Variants in ART3 observed in about 807,000 individuals in gnomAD.
ART3 encodes ADP-ribosyltransferase 3 (inactive), also known as ecto-ADP-ribosyltransferase 3.
In ART3, 49 loss-of-function variants were observed where a neutral mutation model predicts 48.5. The ratio of observed to expected loss-of-function variants is 1.01; its 90% CI spans 0.80 to 1.28. The LOEUF (loss-of-function observed/expected upper bound fraction) is 1.28. Among genes scored for constraint, ART3 ranks in the 50% most tolerant of loss-of-function variants. The pLI is 0.00. For missense variants in ART3, 438 were observed against 454.3 expected (o/e 0.96, Z 0.33); for synonymous variants, 145 against 157.2 (o/e 0.92, Z 0.58).
At chr4:76,066,826 C>T (rs914816685) in intron 1 of ART3, among the ~76,000 whole-genome samples, 7 of 152,176 alleles carry the variant, frequency 4.6e-5, no homozygotes, top group Non-Finnish European at 1.0e-4. Flanking sequence ...CTACTCATGA[C>T]GCCCAGGCTC....
At position 76,074,725 on chromosome 4, in the gene ART3, A is replaced by T. The variant is rs1720697823; in HGVS notation, c.-104A>T. ...TGTCTCAGCTCTCACTGTCAACAAC[A>T]TCCCATCCTGAAGACTTGCTTACCA... On this transcript the variant is annotated 5_prime_UTR_variant, in exon 1 of 12. Transcript: ENST00000355810. 1.3e-5 allele frequency: 2 copies of T among 152,274 alleles called. No homozygotes were observed. Among genetic ancestry groups the T allele is most frequent in the South Asian group, 4.1e-4 (2 of 4,826 alleles). The allele number at this position is 152,274 out of a possible 1,614,324, so 9.4% of individuals were successfully genotyped here. A position where few individuals can be genotyped will look rare whatever the true frequency, so the allele number is the denominator to read the frequency against.
chr4:76,035,051 A>T, intron 1 of ART3: 1 of 1,612,622 alleles, frequency 6.2e-7, no homozygotes, highest in Non-Finnish European at 8.5e-7. Context: ...ACTTACTTTG[A>T]TTATAAGCCT....
chr4:76,048,585 GC>G (rs1182928977), intron 1 of ART3, among the ~76,000 whole-genome samples: 6 of 151,876 alleles, frequency 4.0e-5, no homozygotes, highest in Non-Finnish European at 8.8e-5. Flanking sequence ...GCTCACCGAT[GC>G]AGCAGCAGAA....
intron 1 of ART3, among the ~76,000 whole-genome samples, chr4:76,062,727 AT>A (rs1450226912): frequency 6.6e-6 from 1 of 151,514 alleles, no homozygotes; most frequent in African/African-American, 2.4e-5. Context: ...TGCCTGGCTA[AT>A]TTTTTGTATT....
chr4:76,046,482 C>G (rs573919557), intron 1 of ART3, among the ~76,000 whole-genome samples: 7 of 152,132 alleles, frequency 4.6e-5, no homozygotes, highest in East Asian at 3.9e-4. Flanking sequence ...AAGCCTTGAG[C>G]TTTTAAATGT....
intron 3 of ART3, among the ~76,000 whole-genome samples, chr4:76,094,844 T>C (rs1416231363): frequency 6.6e-6 from 1 of 152,200 alleles, no homozygotes; most frequent in Non-Finnish European, 1.5e-5. Context: ...ACTCTGTCTA[T>C]AAAAATTGAA....
At chr4:76,106,195 T>C (rs1728435186) in intron 10 of ART3, 4 of 985,482 alleles carry the variant, frequency 4.1e-6, no homozygotes, top group South Asian at 4.7e-5. Flanking sequence ...TTGTTCACTT[T>C]GTGCTACACT....
Position 76,082,367 on chromosome 4 carries a change from A to C in ART3, c.613A>C (p.Thr205Pro), listed in dbSNP as rs145977750. 2.7e-5 allele frequency: 43 copies of C among 1,614,200 alleles called. No individual in the cohort carries two copies. In the African/African-American group the frequency reaches 4.4e-4, roughly 17 times the overall value. ...CCAGCTCACTGTGTTATCCATCTAC[A>C]CATGCCTTGGAGTTGACATTGAAAA... ...NDQLTVLSIYTCLGVDIENFL... is the reference protein window; with the variant it reads ...NDQLTVLSIYPCLGVDIENFL... The change falls in exon 3 of 12, where the codon ACA (threonine) becomes CCA (proline). Residue 205 changes from threonine to proline, a missense_variant. By Grantham distance (38) the Thr-to-Pro change is conservative. Around this residue, in one of 3 missense-constraint regions of ART3, gnomAD observed 227 missense variants for 229.6 expected, o/e 0.99. Transcript: ENST00000355810.
At chr4:76,048,792 G>T (rs1735758519) in intron 1 of ART3, among the ~76,000 whole-genome samples, 1 of 144,698 alleles carries the variant, frequency 6.9e-6, no homozygotes, top group Non-Finnish European at 1.5e-5. Flanking sequence ...CCACAAGGAG[G>T]ACCGACCACA....
rs954529031 is a variant in ART3, at chr4:76,100,183, T to C, written c.848-108T>C. ...AGGGTAGTTTCCTGGACGTATCAAA[T>C]GGTTCTTTATAGTCATATTTCCTGA... is the stretch of plus-strand genomic sequence containing the variant. On this transcript the variant is annotated intron_variant, in intron 5 of 11. Coordinates refer to ENST00000355810, the MANE Select transcript of ART3 (RefSeq NM_001130016.3). 5 of 1,125,598 alleles carry C rather than the reference T, an allele frequency of 4.4e-6. No individual in the cohort carries two copies. In the African/African-American group the frequency reaches 7.9e-5, roughly 18 times the overall value. The allele number at this position is 1,125,598 out of a possible 1,614,324, so 69.7% of individuals were successfully genotyped here.
At chr4:76,040,450 A>ACGCACACG (rs779849511) in intron 1 of ART3, among the ~76,000 whole-genome samples, 1 of 146,134 alleles carries the variant, frequency 6.8e-6, no homozygotes, top group South Asian at 2.2e-4. Context: ...ACACACACAC[A>ACGCACACG]CACACACACA....
At chr4:76,105,506 CCT>C (rs1728272059) in intron 10 of ART3, 2 of 1,287,528 alleles carry the variant, frequency 1.6e-6, no homozygotes, top group Non-Finnish European at 1.0e-6. Context: ...TATCTGAAAA[CCT>C]CTTTCTTGTT....
chr4:76,012,114 C>T (rs925108198), intron 1 of ART3: 1 of 152,186 alleles, frequency 6.6e-6, no homozygotes, highest in African/African-American at 2.4e-5. Flanking sequence ...AATGTAACCC[C>T]AAAGAACTTT....
chr4:76,051,747 G>A (rs1299159642), intron 1 of ART3, among the ~76,000 whole-genome samples: 1 of 151,910 alleles, frequency 6.6e-6, no homozygotes, highest in Non-Finnish European at 1.5e-5. Context: ...TCGCCATGTT[G>A]CCCAGGCTGG....
intron 1 of ART3, among the ~76,000 whole-genome samples, chr4:76,060,102 A>G (rs529008210): frequency 6.6e-6 from 1 of 152,286 alleles, no homozygotes; most frequent in South Asian, 2.1e-4. Flanking sequence ...CAGGTCTTAA[A>G]AAACTCATTT....
intron 1 of ART3, among the ~76,000 whole-genome samples, chr4:76,026,818 A>T (rs1733432897): frequency 6.6e-6 from 1 of 152,256 alleles, no homozygotes; most frequent in Non-Finnish European, 1.5e-5. Context: ...GCTTGTTCTC[A>T]TTATTTTCTG....
chr4:76,100,353 C>G, intron 6 of ART3, 33 bp downstream of exon 6: 1 of 1,589,682 alleles, frequency 6.3e-7, no homozygotes, highest in Non-Finnish European at 8.6e-7. Context: ...GGGGGCTTGG[C>G]CAGGCGTGGT....
At chr4:76,074,973 AGCAT>A (rs1415619595) in intron 1 of ART3, among the ~76,000 whole-genome samples, 154 bp downstream of exon 1, 3 of 152,252 alleles carry the variant, frequency 2.0e-5, no homozygotes, top group African/African-American at 7.2e-5. Context: ...AACACAAAGT[AGCAT>A]GTTGGTACTA....
intron 1 of ART3, among the ~76,000 whole-genome samples, chr4:76,026,191 T>C (rs567335483): frequency 6.6e-6 from 1 of 152,154 alleles, no homozygotes; most frequent in South Asian, 2.1e-4. Context: ...CTTCTGGACA[T>C]TTAAATTTTA....
Sources: allele counts gnomAD v4.1 joint callset (sites outside exome capture counted in the v4.1 genomes callset), GRCh38; gene constraint gnomAD v4.1.1; regional missense constraint gnomAD v4.1.1; transcripts MANE v1.5; gene names NCBI Gene and HGNC (gene_info 2026-07-23, HGNC 2026-07-21).